The following ESPNL variants were observed in gnomAD, a reference collection of about 807,000 sequenced individuals.
ESPNL encodes the protein espin-like protein.
Under a neutral mutation model 46.8 loss-of-function variants are expected in ESPNL, and 49 were observed. The observed-to-expected ratio is 1.05, with a 90% CI of 0.83 to 1.33. The LOEUF is 1.33. ESPNL is among the 40% of genes most tolerant of loss of function. The pLI is 0.00. For missense variants in ESPNL, 1,540 were observed against 1,436.6 expected, an observed-to-expected ratio of 1.07 and a Z score of -1.16; for synonymous variants, 664 against 662.1, an observed-to-expected ratio of 1.00 and a Z score of -0.04.
intron 4 of ESPNL, among the ~76,000 whole-genome samples, chr2:238,115,078 G>A (rs1691787504): frequency 6.6e-6 from 1 of 152,158 alleles, no homozygotes; most frequent in East Asian, 1.9e-4. Context: ...GTCTTGCGGT[G>A]GTTCTGGCTC....
chr2:238,102,533 T>C (rs1691508292), intron 2 of ESPNL, among the ~76,000 whole-genome samples: 1 of 152,120 alleles, frequency 6.6e-6, no homozygotes, highest in Non-Finnish European at 1.5e-5. Context: ...GTGGGGACTG[T>C]CTAGTGGACT....
intron 1 of ESPNL, 81 bp downstream of exon 1, chr2:238,100,794 T>C: frequency 5.6e-6 from 7 of 1,251,160 alleles, no homozygotes; most frequent in South Asian, 1.8e-5. Flanking sequence ...AGGATCAGAG[T>C]ACTGGCCACC....
At chr2:238,119,575 A>C (rs1691939888) in intron 5 of ESPNL, among the ~76,000 whole-genome samples, 2 of 132,910 alleles carry the variant, frequency 1.5e-5, no homozygotes, top group Admixed American at 1.5e-4. Context: ...TGGATGGAGG[A>C]GGTGGATGGA....
At position 238,129,233 on chromosome 2, in the gene ESPNL, T is replaced by C. The variant is rs1425131180; in HGVS notation, c.1413+329T>C. On this transcript the variant is annotated intron_variant, in intron 8 of 8. Coordinates refer to ENST00000343063, the MANE Select transcript of ESPNL (RefSeq NM_194312.4). ...GGGAAGACGGTGGCCCATGGGCAGG[T>C]GCCGGCAGGTGTGTGGGGTGCGATT... The C allele has an allele frequency of 4.8e-6, 6 of 1,245,554 alleles. No individual in the cohort carries two copies. In the East Asian group the frequency reaches 1.5e-4, roughly 30 times the overall value. The allele number at this position is 1,245,554 out of a possible 1,614,324, so 77.2% of individuals were successfully genotyped here. A position where few individuals can be genotyped will look rare whatever the true frequency, so the allele number is the denominator to read the frequency against.
Position 238,132,443 on chromosome 2 carries a change from T to C in ESPNL, c.*711T>C, listed in dbSNP as rs1302350099. ...CCAGCAAGGCTGGAGAGCAGGGACG[T>C]GGGAGTAGCAGTGGCTGAGAGAGTC... On this transcript the variant is annotated 3_prime_UTR_variant, in exon 9 of 9. Transcript: ENST00000343063. 1 of 152,388 alleles carries C rather than the reference T, an allele frequency of 6.6e-6. No individual in the cohort carries two copies. The highest frequency in any genetic ancestry group is 1.5e-5 in the Non-Finnish European group (1 of 68,172). The allele number at this position is 152,388 out of a possible 1,614,324, so 9.4% of individuals were successfully genotyped here.
Position 238,100,728 on chromosome 2 carries a change from G to A in ESPNL, c.294+15G>A. ...GCGGTCTGCAGGTGAGCGGGGATGG[G>A]GCAGCCTGGCTCCACGAAGCTGGCT... On this transcript the variant is annotated intron_variant, in intron 1 of 8. Transcript: ENST00000343063. 1 of 1,407,996 alleles carries A rather than the reference G, an allele frequency of 7.1e-7. No individual in the cohort carries two copies. Among genetic ancestry groups the A allele is most frequent in the Non-Finnish European group, 9.2e-7 (1 of 1,091,176 alleles). 87.2% of individuals were successfully genotyped at this position (1,407,996 alleles called of 1,614,324 possible).
In ESPNL at chr2:238,108,143, G is replaced by A. The variant is rs547446261; in HGVS notation, c.855+170G>A. 3.3e-5 allele frequency among the ~76,000 whole-genome samples: 5 copies of A among 152,310 alleles called. No individual in the cohort carries two copies. In the South Asian group the frequency reaches 1.0e-3, roughly 32 times the overall value. On this transcript the variant is annotated intron_variant, in intron 4 of 8. Coordinates refer to ENST00000343063, the MANE Select transcript of ESPNL (RefSeq NM_194312.4). The stretch of plus-strand genomic sequence containing the variant: ...ACTTGCCCAAGGTCAAGATCCCAGG[G>A]TCAAGTGGCAAGATCCAAGCTCTAT...
rs908483487 is a variant in ESPNL, at chr2:238,102,150, C to A, written c.485+19C>A. The A allele has an allele frequency of 6.6e-7, 1 of 1,514,046 alleles. No individual in the cohort carries two copies. Among genetic ancestry groups the A allele is most frequent in the Non-Finnish European group, 8.9e-7 (1 of 1,127,470 alleles). 93.8% of individuals were successfully genotyped at this position (1,514,046 alleles called of 1,614,324 possible). A position where few individuals can be genotyped will look rare whatever the true frequency, so the allele number is the denominator to read the frequency against. ...ATGGCAGGTAAGGAGCCCAAAGTCC[C>A]GCCTGGGGGGGCAGCCTGGGGCGAG... On this transcript the variant is annotated intron_variant, in intron 2 of 8. Coordinates refer to ENST00000343063, the MANE Select transcript of ESPNL (RefSeq NM_194312.4).
Position 238,107,693 on chromosome 2 carries a change from A to G in ESPNL, c.673-98A>G, listed in dbSNP as rs1350242437. On this transcript the variant is annotated intron_variant, in intron 3 of 8. Transcript: ENST00000343063. ...GGTTGTACCCTGTGCCCCGAGAGGT[A>G]CAGCCAGAGTCCACTTTCACTTCTG... 4.9e-6 allele frequency: 6 copies of G among 1,235,274 alleles called. No homozygotes were observed. In the African/African-American group the frequency reaches 9.1e-5, roughly 19 times the overall value. The allele number at this position is 1,235,274 out of a possible 1,614,324, so 76.5% of individuals were successfully genotyped here.
intron 4 of ESPNL, among the ~76,000 whole-genome samples, chr2:238,113,558 T>C (rs540955296): frequency 6.6e-6 from 1 of 152,236 alleles, no homozygotes; most frequent in South Asian, 2.1e-4. Flanking sequence ...TGTTGACATA[T>C]GCTGACATGA....
At chr2:238,119,320 A>G (rs1430965163) in intron 5 of ESPNL, among the ~76,000 whole-genome samples, 2 of 135,606 alleles carry the variant, frequency 1.5e-5, no homozygotes, top group Non-Finnish European at 3.1e-5. Context: ...AAGGAGTTGG[A>G]TGGAGGAGGT....
In ESPNL at chr2:238,114,887, C is replaced by T. The variant is rs10186514; in HGVS notation, c.856-2016C>T. On this transcript the variant is annotated intron_variant, in intron 4 of 8. Coordinates refer to ENST00000343063, the MANE Select transcript of ESPNL (RefSeq NM_194312.4). This position sits in a 1 kb window ranked among gnomAD's most constrained non-coding sequence, Gnocchi z 5.0. ...CAGGGTTGCATATTTGTGCCAGAGC[C>T]GGCGGCCCCCGGGCTGAGCTGCTTA... Among the ~76,000 whole-genome samples the T allele has an allele frequency of 0.21, 32,170 of 152,186 alleles. 4,808 individuals carry two copies. The highest frequency in any genetic ancestry group is 0.43 in the East Asian group (2,206 of 5,154).
At chr2:238,101,916 C>T in intron 1 of ESPNL, 25 bp from the exon 2 acceptor site, 1 of 1,584,052 alleles carries the variant, frequency 6.3e-7, no homozygotes, top group Non-Finnish European at 8.6e-7. Flanking sequence ...ACCCCCCACT[C>T]ACTGACCTAC....
Position 238,131,218 on chromosome 2 carries a change from C to A in ESPNL, c.2504C>A (p.Ser835Tyr). ...RLSRQPRGAL[S>Y]PEQFLPHVDG... Reference sequence around the variant, plus strand: ...AGCCGGCAGCCCCGCGGGGCTTTGTCCCCCGAGCAGTTCCTGCCCCACGTG... The same window carrying A: ...AGCCGGCAGCCCCGCGGGGCTTTGTACCCCGAGCAGTTCCTGCCCCACGTG... The change falls in exon 9 of 9, where the codon TCC (serine) becomes TAC (tyrosine). Residue 835 changes from serine (S) to tyrosine (Y), a missense_variant. By Grantham distance (144) the Ser-to-Tyr change is moderately radical. Transcript: ENST00000343063. The A allele has an allele frequency of 1.3e-6, 2 of 1,551,432 alleles. No individual in the cohort carries two copies. The highest frequency in any genetic ancestry group is 2.4e-5 in the East Asian group (1 of 41,444).
chr2:238,126,885 CTG>C (rs890621409), intron 6 of ESPNL, among the ~76,000 whole-genome samples: 12 of 118,196 alleles, frequency 1.0e-4, no homozygotes, highest in East Asian at 8.7e-4. Flanking sequence ...GTCTGTATGT[CTG>C]TGTGATTGTG....
intron 5 of ESPNL, among the ~76,000 whole-genome samples, chr2:238,124,492 C>T (rs1216385806): frequency 6.6e-6 from 1 of 152,226 alleles, no homozygotes; most frequent in African/African-American, 2.4e-5. Flanking sequence ...GCTGAAGTTC[C>T]AGGCGGACCA....
intron 6 of ESPNL, among the ~76,000 whole-genome samples, chr2:238,125,975 GTGTC>G (rs1692098331): frequency 6.6e-6 from 1 of 151,818 alleles, no homozygotes; most frequent in East Asian, 1.9e-4. Flanking sequence ...GTGTGTGATT[GTGTC>G]TGTGTGTGAT....
Position 238,105,062 on chromosome 2 carries a change from C to T in ESPNL, c.672+220C>T, listed in dbSNP as rs550786829. On this transcript the variant is annotated intron_variant, in intron 3 of 8. Coordinates refer to ENST00000343063, the MANE Select transcript of ESPNL (RefSeq NM_194312.4). Reference sequence around the variant, plus strand: ...TGTAGTGCACTCTGCTCTGTGGGGTCGTGCCACGGCTCCCCTGGGGCTCTC... The same window carrying T: ...TGTAGTGCACTCTGCTCTGTGGGGTTGTGCCACGGCTCCCCTGGGGCTCTC... Among the ~76,000 whole-genome samples the T allele has an allele frequency of 2.5e-4, 38 of 152,220 alleles. No individual in the cohort carries two copies. In the South Asian group the frequency reaches 6.9e-3, roughly 27 times the overall value.
chr2:238,104,684 G>A lies in ESPNL; in HGVS notation c.514G>A (p.Ala172Thr), dbSNP rs140751353. 7.2e-4 allele frequency: 1,159 copies of A among 1,601,344 alleles called. 5 individuals are homozygous for A. In the African/African-American group the frequency reaches 0.014, roughly 19 times the overall value. The change falls in exon 3 of 9, where the codon GCC becomes ACC. Residue 172 changes from alanine (A) to threonine (T), a missense_variant. Transcript: ENST00000343063. ...SSVNRRTRSG[A>T]SPLYLACQEG... ...CGTGAACCGGCGGACACGCAGTGGCGCCTCCCCACTCTACCTGGCCTGCCA... is the reference window on the plus strand; with the variant it reads ...CGTGAACCGGCGGACACGCAGTGGCACCTCCCCACTCTACCTGGCCTGCCA...
Sources: allele counts gnomAD v4.1 joint callset (sites outside exome capture counted in the v4.1 genomes callset), GRCh38; gene constraint gnomAD v4.1.1; non-coding constraint Gnocchi (gnomAD v3.1); transcripts MANE v1.5; gene names NCBI Gene and HGNC (gene_info 2026-07-23, HGNC 2026-07-21).